TUBB3: variants seen among roughly 807,000 people sequenced by gnomAD.
TUBB3 encodes tubulin beta-3 chain.
A neutral mutation model predicts 37.8 loss-of-function variants in TUBB3; 17 were observed. The observed-to-expected ratio is 0.45, with a 90% confidence interval of 0.31 to 0.67. TUBB3 has a LOEUF of 0.67. Among genes scored for constraint, TUBB3 ranks in the 30% least tolerant of loss-of-function variants. The pLI is 0.07. For synonymous variants in TUBB3, 332 were observed against 278.9 expected, an observed-to-expected ratio of 1.19 and a Z score of -1.90; for missense variants, 262 against 657.9, an observed-to-expected ratio of 0.40 and a Z score of 6.58.
chr16:89,922,607 A>T (rs1428271139), upstream of TUBB3: 1 of 152,134 alleles, frequency 6.6e-6, no homozygotes, highest in African/African-American at 2.4e-5. Flanking sequence ...ACAATTCCTG[A>T]CACGGATGCG....
upstream of TUBB3, chr16:89,923,163 G>C (rs554890349): frequency 1.1e-5 from 2 of 183,668 alleles, no homozygotes; most frequent in Non-Finnish European, 2.2e-5. Context: ...AGCGCTGGGG[G>C]ATCCTTGGCT....
chr16:89,932,732 G>T lies in TUBB3; in HGVS notation c.166+53G>T. ...CCAGCCCTGGACTGACCAGGTCTCA[G>T]CGTCTGACTGACCAGGTCTCAGCAC... On this transcript the variant is annotated intron_variant, in intron 2 of 3. Transcript: ENST00000315491. The T allele has an allele frequency of 5.5e-6, 8 of 1,445,142 alleles. No homozygotes were observed. In the South Asian group the frequency reaches 8.2e-5, roughly 15 times the overall value. 89.5% of individuals were successfully genotyped at this position (1,445,142 alleles called of 1,614,324 possible). A position where few individuals can be genotyped will look rare whatever the true frequency, so the allele number is the denominator to read the frequency against.
intron 1 of TUBB3, among the ~76,000 whole-genome samples, chr16:89,926,273 C>T (rs1190523222): frequency 1.3e-5 from 2 of 152,190 alleles, no homozygotes; most frequent in Non-Finnish European, 2.9e-5. Flanking sequence ...GGGCTGGGGG[C>T]GGGGCCTGGC....
intron 1 of TUBB3, among the ~76,000 whole-genome samples, chr16:89,926,493 C>A (rs1257647009): frequency 6.6e-6 from 1 of 152,266 alleles, no homozygotes; most frequent in Non-Finnish European, 1.5e-5. Flanking sequence ...GGACCCCAAG[C>A]GCTGCGCGAG....
At chr16:89,927,757 G>A (rs771942429) in intron 1 of TUBB3, among the ~76,000 whole-genome samples, 6 of 152,240 alleles carry the variant, frequency 3.9e-5, no homozygotes, top group South Asian at 2.1e-4. Flanking sequence ...CGAGGCACGC[G>A]CCTGGCCCAC....
At chr16:89,926,587 G>GTT (rs1394929284) in intron 1 of TUBB3, among the ~76,000 whole-genome samples, 1 of 152,250 alleles carries the variant, frequency 6.6e-6, no homozygotes, top group African/African-American at 2.4e-5. Context: ...TTTGTTTTTG[G>GTT]TTATGAGAGG....
In TUBB3 at chr16:89,935,442, C is replaced by T; in HGVS notation, c.991C>T (p.Leu331=). 2 of 1,614,232 alleles carry T rather than the reference C, an allele frequency of 1.2e-6. No homozygotes were observed. Among genetic ancestry groups the T allele is most frequent in the Non-Finnish European group, 1.7e-6 (2 of 1,180,052 alleles). ...MSMKEVDEQM[L]AIQSKNSSYF... is the part of the protein sequence containing the mutation. ...CATGAAGGAGGTGGACGAGCAGATG[C>T]TGGCCATCCAGAGCAAGAACAGCAG... is the stretch of plus-strand genomic sequence containing the variant. The change falls in exon 4 of 4, where the codon CTG becomes TTG. Residue 331 remains leucine (L), a synonymous_variant. Transcript: ENST00000315491.
intron 1 of TUBB3, among the ~76,000 whole-genome samples, chr16:89,925,699 C>G (rs976611980): frequency 4.6e-5 from 7 of 151,900 alleles, no homozygotes; most frequent in African/African-American, 1.2e-4. Context: ...CTCTGCTGCC[C>G]TTGTGGAATC....
At chr16:89,930,053 TTCCTTCC>T (rs1567763000) in intron 1 of TUBB3, among the ~76,000 whole-genome samples, 8 of 140,876 alleles carry the variant, frequency 5.7e-5, no homozygotes, top group Non-Finnish European at 9.2e-5. Flanking sequence ...CCTTCCTTCC[TTCCTTCC>T]TCTCTCTCTC....
At chr16:89,923,792 C>G (rs1211481806) in intron 1 of TUBB3, among the ~76,000 whole-genome samples, 1 of 152,024 alleles carries the variant, frequency 6.6e-6, no homozygotes, top group Non-Finnish European at 1.5e-5. Context: ...GGGCGTGGCC[C>G]TCTTTTTTGG....
rs2030397007 is a variant in TUBB3 at position 89,934,814 on chromosome 16, G to C, written c.363G>C (p.Arg121=). The C allele has an allele frequency of 1.2e-6, 2 of 1,614,056 alleles. No homozygotes were observed. The highest frequency in any genetic ancestry group is 1.3e-5 in the African/African-American group (1 of 74,914). Residue 121 remains arginine, a synonymous_variant, in exon 4 of 4, where the codon CGG becomes CGC. Coordinates refer to ENST00000315491, the MANE Select transcript of TUBB3 (RefSeq NM_006086.4). ...TGGATTCGGTCCTGGATGTGGTGCG[G>C]AAGGAGTGTGAAAACTGCGACTGCC... The part of the protein sequence containing the change: ...ELVDSVLDVV[R]KECENCDCLQ...
intron 1 of TUBB3, 44 bp from the exon 2 acceptor site, chr16:89,932,527 G>T (rs1432510723): frequency 1.3e-6 from 2 of 1,537,032 alleles, no homozygotes; most frequent in Non-Finnish European, 9.0e-7. Flanking sequence ...CCTGGCTGGG[G>T]CTATGGGCCG....
intron 3 of TUBB3, 152 bp downstream of exon 3, chr16:89,933,730 A>G (rs1230770788): frequency 2.7e-6 from 2 of 743,364 alleles, no homozygotes; most frequent in Admixed American, 3.9e-5. Flanking sequence ...ACAGCTGGGC[A>G]TTGGAGGCCC....
intron 2 of TUBB3, 92 bp downstream of exon 2, chr16:89,932,771 C>T (rs897997791): frequency 3.9e-5 from 39 of 995,408 alleles, no homozygotes; most frequent in Non-Finnish European, 5.4e-5. Context: ...GACTCACCAG[C>T]TCTCAGCATC....
Position 89,923,389 on chromosome 16 carries a change from A to G in TUBB3, c.-13A>G. The G allele has an allele frequency of 1.4e-6, 2 of 1,475,384 alleles. No individual in the cohort carries two copies. The highest frequency in any genetic ancestry group is 9.0e-7 in the Non-Finnish European group (1 of 1,110,272). The allele number at this position is 1,475,384 out of a possible 1,614,324, so 91.4% of individuals were successfully genotyped here. On this transcript the variant is annotated 5_prime_UTR_variant, in exon 1 of 4. Transcript: ENST00000315491. ...CCGCGCCCGTCCGCAGCCGCCCGCC[A>G]GACGCGCCCAGTATGAGGGAGATCG...
At chr16:89,934,515 A>T (rs1394833089) in intron 3 of TUBB3, 1 of 650,482 alleles carries the variant, frequency 1.5e-6, no homozygotes, top group Admixed American at 2.2e-5. Flanking sequence ...AGTTCTCAAG[A>T]CTCTGTCCAG....
Position 89,923,474 on chromosome 16 carries a change from C to A in TUBB3, c.57+16C>A. ...CGGGGCCAAGGTGAGGCTGCGCGCC[C>A]CGGCCTGTCCCGGGCCCCGGGGCGG... On this transcript the variant is annotated intron_variant, in intron 1 of 3. Coordinates refer to ENST00000315491, the MANE Select transcript of TUBB3 (RefSeq NM_006086.4). 1 of 1,455,864 alleles carries A rather than the reference C, an allele frequency of 6.9e-7. No individual in the cohort carries two copies. The highest frequency in any genetic ancestry group is 9.1e-7 in the Non-Finnish European group (1 of 1,100,590). 90.2% of individuals were successfully genotyped at this position (1,455,864 alleles called of 1,614,324 possible). A position where few individuals can be genotyped will look rare whatever the true frequency, so the allele number is the denominator to read the frequency against.
At position 89,935,784 on chromosome 16, in the gene TUBB3, G is replaced by T; in HGVS notation, c.1333G>T (p.Glu445Ter). 1 of 1,613,524 alleles carries T rather than the reference G, an allele frequency of 6.2e-7. No individual in the cohort carries two copies. Residue 445 changes from glutamate (E) to a stop codon, truncating the protein, a stop_gained, in exon 4 of 4, where the codon GAG (glutamate) becomes TAG (stop). Coordinates refer to ENST00000315491, the MANE Select transcript of TUBB3 (RefSeq NM_006086.4). LOFTEE classifies it high-confidence loss of function. Reference protein sequence around the residue: ...EMYEDDEEESEAQGPK With the variant: ...EMYEDDEEES Reference sequence around the variant, plus strand: ...GTACGAAGACGACGAGGAGGAGTCGGAGGCCCAGGGCCCCAAGTGAAGCTG... The same window carrying T: ...GTACGAAGACGACGAGGAGGAGTCGTAGGCCCAGGGCCCCAAGTGAAGCTG...
At chr16:89,932,457 G>A (rs1488056377) in intron 1 of TUBB3, 114 bp from the exon 2 acceptor site, 1 of 800,906 alleles carries the variant, frequency 1.2e-6, no homozygotes, top group African/African-American at 1.7e-5. Context: ...GCTCGTGGAG[G>A]CCGTGGGTCA....
Sources: allele counts gnomAD v4.1 joint callset (sites outside exome capture counted in the v4.1 genomes callset), GRCh38; gene constraint gnomAD v4.1.1; transcripts MANE v1.5; gene names NCBI Gene and HGNC (gene_info 2026-07-23, HGNC 2026-07-21).